The following PIGX variants were observed in gnomAD, a reference collection of about 807,000 sequenced individuals.
PIGX encodes GPI alpha-1,4-mannosyltransferase I, stabilizing subunit.
PIGX carries 24 observed loss-of-function variants against 28.7 expected under a neutral mutation model. That is an observed-to-expected ratio of 0.84 (90% CI 0.60 to 1.17). PIGX has a LOEUF of 1.17. Among genes scored for constraint, PIGX ranks in the 50% most tolerant of loss-of-function variants. PIGX has a pLI of 0.00. For missense variants in PIGX, 305 were observed against 317.8 expected (o/e 0.96, Z 0.31); for synonymous variants, 127 against 121.0 (o/e 1.05, Z -0.33).
At chr3:196,717,023 A>G in intron 2 of PIGX, 102 bp downstream of exon 2, 2 of 695,228 alleles carry the variant, frequency 2.9e-6, no homozygotes, top group Non-Finnish European at 5.0e-6. Context: ...AAATCAGGCC[A>G]GATGCGGTGG....
chr3:196,732,973 A>C (rs909501703), intron 5 of PIGX, among the ~76,000 whole-genome samples: 14 of 152,206 alleles, frequency 9.2e-5, no homozygotes, highest in Non-Finnish European at 1.5e-4. Context: ...ACAAGGCTTT[A>C]AAAGCTATCT....
Position 196,712,663 on chromosome 3 carries a change from G to C in PIGX, c.112+19G>C. The C allele has an allele frequency of 1.2e-5, 14 of 1,183,854 alleles. No individual in the cohort carries two copies. Among genetic ancestry groups the C allele is most frequent in the Non-Finnish European group, 1.1e-5 (11 of 956,996 alleles). The allele number at this position is 1,183,854 out of a possible 1,614,324, so 73.3% of individuals were successfully genotyped here. On this transcript the variant is annotated intron_variant, in intron 1 of 5. Coordinates refer to ENST00000392391, the MANE Select transcript of PIGX (RefSeq NM_017861.4). Reference sequence around the variant, plus strand: ...GACGCCGGTAAGGGGGGCGGGGCTTGGGGGGCCAGAGCGTGGGAGCGGTCC... The same window carrying C: ...GACGCCGGTAAGGGGGGCGGGGCTTCGGGGGCCAGAGCGTGGGAGCGGTCC...
intron 1 of PIGX, among the ~76,000 whole-genome samples, chr3:196,715,726 C>T (rs1192431453): frequency 6.6e-6 from 1 of 151,894 alleles, no homozygotes; most frequent in Non-Finnish European, 1.5e-5. Flanking sequence ...GCTTTGTCAC[C>T]CAGGCTGGAG....
chr3:196,713,009 A>G, intron 1 of PIGX: 1 of 991,088 alleles, frequency 1.0e-6, no homozygotes, highest in Non-Finnish European at 1.2e-6. Context: ...AGGCCTGAGA[A>G]TCCCCAAACT....
At chr3:196,713,889 C>G (rs567691004) in intron 1 of PIGX, among the ~76,000 whole-genome samples, 1 of 151,068 alleles carries the variant, frequency 6.6e-6, no homozygotes, top group Non-Finnish European at 1.5e-5. Flanking sequence ...CAGTTCACCA[C>G]TACCAAAGTA....
rs138271381 is a variant in PIGX at position 196,717,073 on chromosome 3, G to A, written c.176+152G>A. The A allele has an allele frequency of 0.033, 18,118 of 542,026 alleles. 418 individuals are homozygous for A. The highest frequency in any genetic ancestry group is 0.04 in the African/African-American group (2,055 of 51,096). The allele number at this position is 542,026 out of a possible 1,614,324, so 33.6% of individuals were successfully genotyped here. On this transcript the variant is annotated intron_variant, in intron 2 of 5. Transcript: ENST00000392391. The stretch of plus-strand genomic sequence containing the variant: ...CCCAACACTTTGGGAGGCCGAGGCA[G>A]GCGGATCACAAGGTCAGGAGTTTGA...
chr3:196,713,482 T>C (rs1711931370), intron 1 of PIGX, among the ~76,000 whole-genome samples: 1 of 151,988 alleles, frequency 6.6e-6, no homozygotes, highest in South Asian at 2.1e-4. Flanking sequence ...ATTTTTTGTA[T>C]TTTTAGTAGA....
At chr3:196,714,530 C>T (rs972552450) in intron 1 of PIGX, among the ~76,000 whole-genome samples, 16 of 149,916 alleles carry the variant, frequency 1.1e-4, no homozygotes, top group African/African-American at 3.7e-4. Flanking sequence ...GGCGCAATCT[C>T]GGCTTATTGC....
At chr3:196,728,795 A>G in intron 4 of PIGX, 1 of 766,260 alleles carries the variant, frequency 1.3e-6, no homozygotes. Flanking sequence ...ATTTAATATT[A>G]GTAGGCATGT....
chr3:196,712,599 A>G lies in PIGX; in HGVS notation c.67A>G (p.Thr23Ala). The G allele has an allele frequency of 1.7e-6, 2 of 1,191,532 alleles. No individual in the cohort carries two copies. The allele number at this position is 1,191,532 out of a possible 1,614,324, so 73.8% of individuals were successfully genotyped here. A position where few individuals can be genotyped will look rare whatever the true frequency, so the allele number is the denominator to read the frequency against. Residue 23 changes from threonine (T) to alanine (A), a missense_variant, in exon 1 of 6, where the codon ACG becomes GCG. Thr to Ala is a moderately conservative substitution (Grantham distance 58). Coordinates refer to ENST00000392391, the MANE Select transcript of PIGX (RefSeq NM_017861.4). ...GCTCCTCGGGGCGGCGACCGGGCTCACGCGCGGGCCCGCCGCGGCCTTCAC... is the reference window on the plus strand; with the variant it reads ...GCTCCTCGGGGCGGCGACCGGGCTCGCGCGCGGGCCCGCCGCGGCCTTCAC...
At chr3:196,722,293 A>G in intron 2 of PIGX, 122 bp from the exon 3 acceptor site, 1 of 676,956 alleles carries the variant, frequency 1.5e-6, no homozygotes, top group Non-Finnish European at 2.5e-6. Context: ...ATTTGACCTT[A>G]TAATCTACTT....
chr3:196,728,312 T>C (rs2108686079), intron 4 of PIGX, 176 bp downstream of exon 4: 1 of 599,458 alleles, frequency 1.7e-6, no homozygotes, highest in Non-Finnish European at 3.0e-6. Flanking sequence ...TAGATTTTTA[T>C]GTGTGTGCTT....
chr3:196,714,764 T>C (rs1012737280), intron 1 of PIGX, among the ~76,000 whole-genome samples: 6 of 152,150 alleles, frequency 3.9e-5, no homozygotes, highest in Non-Finnish European at 5.9e-5. Flanking sequence ...CCAGGCTATT[T>C]GTTCTTTTTT....
chr3:196,720,868 A>C (rs1224007745), intron 2 of PIGX, among the ~76,000 whole-genome samples: 6 of 151,862 alleles, frequency 4.0e-5, no homozygotes, highest in Admixed American at 3.9e-4. Context: ...TTTATTTTTG[A>C]AGGATTTTCC....
intron 4 of PIGX, chr3:196,728,885 C>A: frequency 1.7e-6 from 1 of 589,422 alleles, no homozygotes; most frequent in South Asian, 2.1e-5. Context: ...TATTGCAGGA[C>A]TCTGGCTTTT....
rs1397742348 is a variant in PIGX at position 196,733,974 on chromosome 3, A to C, written c.*72A>C. 2.1e-6 allele frequency: 2 copies of C among 954,032 alleles called. No individual in the cohort carries two copies. The highest frequency in any genetic ancestry group is 4.1e-5 in the Admixed American group (2 of 48,320). 59.1% of individuals were successfully genotyped at this position (954,032 alleles called of 1,614,324 possible). On this transcript the variant is annotated 3_prime_UTR_variant, in exon 6 of 6. Coordinates refer to ENST00000392391, the MANE Select transcript of PIGX (RefSeq NM_017861.4). This position sits in a 1 kb window ranked among gnomAD's most constrained non-coding sequence, Gnocchi z 4.3. ...AATTTCTGACGAGAGGTGTTCTTCT[A>C]GAATTAATTACTTTTATCTTTTGTC...
intron 4 of PIGX, among the ~76,000 whole-genome samples, chr3:196,729,556 T>G (rs1166852681): frequency 1.3e-5 from 2 of 150,840 alleles, no homozygotes; most frequent in Non-Finnish European, 3.0e-5. Context: ...GCCTGGCTAA[T>G]TTTTGTATTT....
chr3:196,715,182 A>G (rs1018769650), intron 1 of PIGX, among the ~76,000 whole-genome samples: 1 of 152,234 alleles, frequency 6.6e-6, no homozygotes, highest in African/African-American at 2.4e-5. Context: ...GGAAAAGATC[A>G]TATGCTTCTC....
rs910541489 is a variant in PIGX, at chr3:196,715,935, C to A, written c.113-923C>A. ...CAGCTTTTGAAATGGGACAAAGTTC[C>A]ATAGCAAATGCCTGGCAGAGTTGCT... On this transcript the variant is annotated intron_variant, in intron 1 of 5. Coordinates refer to ENST00000392391, the MANE Select transcript of PIGX (RefSeq NM_017861.4). 3.9e-5 allele frequency among the ~76,000 whole-genome samples: 6 copies of A among 152,182 alleles called. No homozygotes were observed. In the East Asian group the frequency reaches 9.6e-4, roughly 24 times the overall value.
Sources: gnomAD v4.1 joint callset for allele counts (sites outside exome capture counted in the v4.1 genomes callset) on GRCh38, gnomAD v4.1.1 for gene constraint, Gnocchi (gnomAD v3.1) non-coding constraint, MANE v1.5 for transcripts, NCBI Gene and HGNC (gene_info 2026-07-23, HGNC 2026-07-21) for gene names.